Variants in ZNF804A observed in about 807,000 individuals in gnomAD.
ZNF804A encodes zinc finger protein 804A.
Under a neutral mutation model 16.5 loss-of-function variants are expected in ZNF804A, and 2 were observed. The ratio of observed to expected loss-of-function variants is 0.12; its 90% confidence interval spans 0.05 to 0.38. The LOEUF (loss-of-function observed/expected upper bound fraction) is 0.38, where lower values mean the gene tolerates loss of function less well. ZNF804A is among the 10% of genes least tolerant of loss of function. The probability of loss-of-function intolerance (pLI) is 0.99; values close to 1 mark genes in which losing one functional copy is unlikely to be tolerated. For synonymous variants in ZNF804A, 534 were observed against 489.6 expected (o/e 1.09, Z -1.20); for missense variants, 1,473 against 1,390.7 (o/e 1.06, Z -0.94).
At chr2:184,665,898 C>T (rs1692247371) in intron 1 of ZNF804A, among the ~76,000 whole-genome samples, 1 of 152,212 alleles carries the variant, frequency 6.6e-6, no homozygotes, top group African/African-American at 2.4e-5. Context: ...TCACATCCCT[C>T]TGGATTCCTT....
rs1244566222 is a variant in ZNF804A at position 184,829,899 on chromosome 2, C to CAAAAA, written c.112-36451_112-36447dup. ...CAACATGTCAAAACCCTGTCTCTACCAAAAAAAAAAAAAAAAAAAAAAACA... is the reference window on the plus strand; with the variant it reads ...CAACATGTCAAAACCCTGTCTCTACCAAAAAAAAAAAAAAAAAAAAAAAAAAAACA... On this transcript the variant is annotated intron_variant, in intron 1 of 3. Transcript: ENST00000302277. Among the ~76,000 whole-genome samples, 33 of 38,870 alleles carry CAAAAA rather than the reference C, an allele frequency of 8.5e-4. 1 individual carries two copies. Among genetic ancestry groups the CAAAAA allele is most frequent in the Admixed American group, 2.6e-3 (7 of 2,656 alleles). 25.5% of individuals were successfully genotyped at this position (38,870 alleles called of 152,430 possible). A position where few individuals can be genotyped will look rare whatever the true frequency, so the allele number is the denominator to read the frequency against.
intron 1 of ZNF804A, among the ~76,000 whole-genome samples, chr2:184,730,313 A>G (rs1693492391): frequency 6.6e-6 from 1 of 151,674 alleles, no homozygotes; most frequent in African/African-American, 2.4e-5. Context: ...TCCATAATTT[A>G]TTTCATTATC....
intron 2 of ZNF804A, among the ~76,000 whole-genome samples, chr2:184,870,500 T>G (rs1312415017): frequency 6.6e-6 from 1 of 151,992 alleles, no homozygotes; most frequent in South Asian, 2.1e-4. Context: ...AAATCCAATA[T>G]TTTGATCTCA....
intron 1 of ZNF804A, among the ~76,000 whole-genome samples, chr2:184,699,648 C>T (rs1256517222): frequency 6.6e-6 from 1 of 151,956 alleles, no homozygotes. Flanking sequence ...CCATGATTGT[C>T]ATATAAAATA....
At chr2:184,713,858 G>T (rs1050829111) in intron 1 of ZNF804A, among the ~76,000 whole-genome samples, 9 of 151,972 alleles carry the variant, frequency 5.9e-5, no homozygotes, top group Non-Finnish European at 1.0e-4. Context: ...GAAATAATAT[G>T]TTGTGTCAGA....
At chr2:184,901,750 G>A (rs114372784) in intron 2 of ZNF804A, among the ~76,000 whole-genome samples, 1 of 151,870 alleles carries the variant, frequency 6.6e-6, no homozygotes, top group Admixed American at 6.6e-5. Flanking sequence ...AGGAGGTAAT[G>A]CATTTTCTTC....
chr2:184,731,251 C>CAAAAAAAA (rs563068533), intron 1 of ZNF804A, among the ~76,000 whole-genome samples: 4 of 45,302 alleles, frequency 8.8e-5, no homozygotes, highest in African/African-American at 2.0e-4. Flanking sequence ...GGCTCCGTCG[C>CAAAAAAAA]AAAAAAAAAA....
intron 1 of ZNF804A, among the ~76,000 whole-genome samples, chr2:184,863,554 T>TA (rs35088942): frequency 0.22 from 31,841 of 143,398 alleles, 4,672 homozygotes; most frequent in African/African-American, 0.43. Flanking sequence ...TCAAACTTAT[T>TA]AAAAAAAAAA....
In ZNF804A at chr2:184,858,335, CT is replaced by C. The variant is rs1309094751; in HGVS notation, c.112-8033del. Among the ~76,000 whole-genome samples the C allele has an allele frequency of 3.3e-5, 5 of 151,816 alleles. No individual in the cohort carries two copies. The East Asian group carries it at 9.7e-4, about 30-fold the overall frequency. On this transcript the variant is annotated intron_variant, in intron 1 of 3. Coordinates refer to ENST00000302277, the MANE Select transcript of ZNF804A (RefSeq NM_194250.2). ...CCTGGACAACATGGCGAAACCCCGT[CT>C]CTATTAAAAATATAAAAATTAGCAG...
intron 1 of ZNF804A, among the ~76,000 whole-genome samples, chr2:184,675,402 T>C (rs1016767035): frequency 3.3e-5 from 5 of 151,834 alleles, no homozygotes; most frequent in African/African-American, 1.2e-4. Flanking sequence ...CAAAATCATA[T>C]GCATCAAACC....
intron 1 of ZNF804A, among the ~76,000 whole-genome samples, chr2:184,638,789 A>G (rs1347603006): frequency 6.6e-6 from 1 of 152,084 alleles, no homozygotes; most frequent in African/African-American, 2.4e-5. Flanking sequence ...AGATATTTTT[A>G]TCTTCATCAC....
intron 1 of ZNF804A, among the ~76,000 whole-genome samples, chr2:184,677,784 G>A (rs775955307): frequency 6.6e-6 from 1 of 151,878 alleles, no homozygotes; most frequent in Non-Finnish European, 1.5e-5. Context: ...CCTCAACTTT[G>A]AGCTCTCTTT....
chr2:184,676,930 T>TA (rs550385672), intron 1 of ZNF804A, among the ~76,000 whole-genome samples: 2 of 151,838 alleles, frequency 1.3e-5, no homozygotes, highest in Admixed American at 6.6e-5. Context: ...TAAATTTTAT[T>TA]AAAAAAATAT....
intron 2 of ZNF804A, among the ~76,000 whole-genome samples, chr2:184,905,624 T>C (rs1459745233): frequency 1.3e-5 from 2 of 152,112 alleles, no homozygotes; most frequent in Non-Finnish European, 2.9e-5. Context: ...CAGTCAGCTA[T>C]AATATATGTT....
At chr2:184,788,050 T>C (rs1348305171) in intron 1 of ZNF804A, among the ~76,000 whole-genome samples, 1 of 152,036 alleles carries the variant, frequency 6.6e-6, no homozygotes, top group Non-Finnish European at 1.5e-5. Context: ...TTCATTCTCC[T>C]GCATGTTGCT....
At chr2:184,688,196 A>G (rs1412178424) in intron 1 of ZNF804A, among the ~76,000 whole-genome samples, 2 of 152,090 alleles carry the variant, frequency 1.3e-5, no homozygotes, top group African/African-American at 4.8e-5. Flanking sequence ...AGCATAAATC[A>G]TATATATTCA....
chr2:184,605,675 A>G (rs1239162705), intron 1 of ZNF804A, among the ~76,000 whole-genome samples: 2 of 152,222 alleles, frequency 1.3e-5, no homozygotes, highest in Non-Finnish European at 2.9e-5. Context: ...ATAAGGGAGG[A>G]TGTGTATAGA....
intron 1 of ZNF804A, among the ~76,000 whole-genome samples, chr2:184,618,127 T>C (rs764714955): frequency 3.3e-5 from 5 of 152,124 alleles, no homozygotes; most frequent in Admixed American, 2.0e-4. Context: ...CTAGAAAATA[T>C]GGCTATGCCC....
chr2:184,756,129 A>T (rs1693955679), intron 1 of ZNF804A, among the ~76,000 whole-genome samples: 1 of 151,998 alleles, frequency 6.6e-6, no homozygotes, highest in African/African-American at 2.4e-5. Context: ...ATTTATAAAT[A>T]TTCATTTCTT....
Sources: gnomAD v4.1 joint callset for allele counts (sites outside exome capture counted in the v4.1 genomes callset) on GRCh38, gnomAD v4.1.1 for gene constraint, MANE v1.5 for transcripts, NCBI Gene and HGNC (gene_info 2026-07-23, HGNC 2026-07-21) for gene names.